The following PRDM2 variants were observed in gnomAD, a reference collection of about 807,000 sequenced individuals.
PRDM2 encodes the protein PR/SET domain 2, also known as PR domain zinc finger protein 2.
PRDM2 carries 30 observed loss-of-function variants against 130.0 expected under a neutral mutation model. The observed-to-expected ratio is 0.23, with a 90% CI of 0.17 to 0.31. The LOEUF is 0.31. Among genes scored for constraint, PRDM2 ranks in the 10% least tolerant of loss-of-function variants. The pLI, the probability that PRDM2 is intolerant of heterozygous loss-of-function variation, is 1.00. For synonymous variants in PRDM2, 871 were observed against 782.4 expected (o/e 1.11, Z -1.89); for missense variants, 2,011 against 2,108.4 (o/e 0.95, Z 0.90).
At chr1:13,804,264 C>T (rs1645054128) in intron 8 of PRDM2, among the ~76,000 whole-genome samples, 1 of 152,168 alleles carries the variant, frequency 6.6e-6, no homozygotes, top group Admixed American at 6.5e-5. Context: ...CACCTGAAGG[C>T]ACCGCAGCGA....
chr1:13,780,225 A>G lies in PRDM2; in HGVS notation c.2430A>G (p.Thr810=). 1 of 1,609,608 alleles carries G rather than the reference A, an allele frequency of 6.2e-7. No individual in the cohort carries two copies. The change falls in exon 8 of 10, where the codon ACA becomes ACG. Residue 810 remains threonine, a synonymous_variant. Transcript: ENST00000311066. ...FDEYKMSKEW[T]ASSAFSSVCN... ...AATATAAAATGTCTAAAGAGTGGAC[A>G]GCTAGTTCTGCTTTTAGCAGTGTGT...
chr1:13,742,406 T>C (rs1643474560), intron 5 of PRDM2, among the ~76,000 whole-genome samples: 1 of 152,110 alleles, frequency 6.6e-6, no homozygotes, highest in Non-Finnish European at 1.5e-5. Context: ...TTTGCTATGT[T>C]ACCCAGGCTG....
chr1:13,710,040 A>G (rs1465490113), intron 1 of PRDM2, among the ~76,000 whole-genome samples: 2 of 152,244 alleles, frequency 1.3e-5, no homozygotes, highest in African/African-American at 4.8e-5. Flanking sequence ...CTTGCCCCAC[A>G]GATGTAAACT....
chr1:13,765,274 C>T (rs1644198027), intron 6 of PRDM2, among the ~76,000 whole-genome samples: 1 of 152,208 alleles, frequency 6.6e-6, no homozygotes, highest in Non-Finnish European at 1.5e-5. Flanking sequence ...TTAAAGCATA[C>T]ATTAAGAATA....
intron 7 of PRDM2, among the ~76,000 whole-genome samples, chr1:13,777,634 CA>C (rs148743428): frequency 0.16 from 1,654 of 10,202 alleles, 12 homozygotes; most frequent in African/African-American, 0.28. Context: ...CTCCTCCTCC[CA>C]CCCCCCCCCC....
In PRDM2 at chr1:13,785,861, CAG is replaced by C. The variant is rs533970837; in HGVS notation, c.5036+3033_5036+3034del. ...TTTTTTTTTTTTTTTTTTAATGAGACAGAGTCTCGCTCCGTTGCCCAGGCTGG... is the reference window on the plus strand; with the variant it reads ...TTTTTTTTTTTTTTTTTTAATGAGACAGTCTCGCTCCGTTGCCCAGGCTGG... On this transcript the variant is annotated intron_variant, in intron 8 of 9. Transcript: ENST00000311066. Among the ~76,000 whole-genome samples the C allele has an allele frequency of 4.5e-4, 61 of 136,792 alleles. No homozygotes were observed. In the South Asian group the frequency reaches 0.013, roughly 30 times the overall value. 89.7% of individuals were successfully genotyped at this position (136,792 alleles called of 152,430 possible). A position where few individuals can be genotyped will look rare whatever the true frequency, so the allele number is the denominator to read the frequency against.
chr1:13,772,367 G>T (rs932860393), intron 6 of PRDM2, among the ~76,000 whole-genome samples: 2 of 152,198 alleles, frequency 1.3e-5, no homozygotes, highest in African/African-American at 2.4e-5. Context: ...GAACGATGTT[G>T]CAATTTAATC....
chr1:13,725,650 A>G (rs909384926), intron 2 of PRDM2, among the ~76,000 whole-genome samples: 8 of 152,386 alleles, frequency 5.2e-5, no homozygotes, highest in African/African-American at 7.2e-5. Flanking sequence ...AATTTAAAAC[A>G]TAAGATTAAA....
chr1:13,800,601 T>C (rs1422235900), intron 8 of PRDM2, among the ~76,000 whole-genome samples: 1 of 152,170 alleles, frequency 6.6e-6, no homozygotes, highest in East Asian at 1.9e-4. Flanking sequence ...GCATATGCGC[T>C]GGGAGCCCAC....
At chr1:13,790,333 C>G (rs933734957) in intron 8 of PRDM2, among the ~76,000 whole-genome samples, 2 of 152,246 alleles carry the variant, frequency 1.3e-5, no homozygotes, top group Middle Eastern at 3.4e-3. Flanking sequence ...TATTGTTTTC[C>G]CGTTCTTTCT....
intron 2 of PRDM2, among the ~76,000 whole-genome samples, chr1:13,721,884 A>G (rs533412101): frequency 1.3e-5 from 2 of 152,236 alleles, no homozygotes; most frequent in African/African-American, 4.8e-5. Flanking sequence ...TCCTCGGCTT[A>G]TTTGTGTTCA....
intron 2 of PRDM2, among the ~76,000 whole-genome samples, chr1:13,724,426 A>T (rs984088211): frequency 8.7e-4 from 133 of 152,032 alleles, no homozygotes; most frequent in African/African-American, 3.0e-3. Flanking sequence ...CTAACTTTGC[A>T]TACTTGACAC....
intron 8 of PRDM2, among the ~76,000 whole-genome samples, chr1:13,789,845 A>G (rs1030708278): frequency 7.2e-5 from 11 of 152,206 alleles, no homozygotes; most frequent in African/African-American, 2.7e-4. Context: ...AGTTACAGAA[A>G]ATGGTTTATC....
At chr1:13,753,010 C>T (rs140097153) in intron 6 of PRDM2, among the ~76,000 whole-genome samples, 3 of 152,182 alleles carry the variant, frequency 2.0e-5, no homozygotes, top group Non-Finnish European at 2.9e-5. Context: ...CTGCTACTTG[C>T]GGAGGAACTA....
At chr1:13,706,099 A>G (rs1642203692) in intron 1 of PRDM2, among the ~76,000 whole-genome samples, 1 of 151,784 alleles carries the variant, frequency 6.6e-6, no homozygotes, top group Non-Finnish European at 1.5e-5. Context: ...AGTCACTCAC[A>G]TTCCAATTTT....
intron 6 of PRDM2, among the ~76,000 whole-genome samples, chr1:13,757,379 A>ACT (rs1374689843): frequency 2.0e-5 from 3 of 152,338 alleles, no homozygotes; most frequent in African/African-American, 7.2e-5. Flanking sequence ...TTGAAACCAA[A>ACT]AGAGCACAGT....
At chr1:13,762,527 G>A (rs1644123947) in intron 6 of PRDM2, among the ~76,000 whole-genome samples, 1 of 152,190 alleles carries the variant, frequency 6.6e-6, no homozygotes, top group African/African-American at 2.4e-5. Context: ...GCCATTGGAC[G>A]CTGGCCTAGG....
chr1:13,749,230 C>A (rs1305266467), intron 5 of PRDM2, 131 bp from the exon 6 acceptor site: 2 of 875,218 alleles, frequency 2.3e-6, no homozygotes, highest in East Asian at 8.7e-5. Flanking sequence ...TCCTGCCGGC[C>A]GGGTGCGCGC....
intron 2 of PRDM2, among the ~76,000 whole-genome samples, chr1:13,730,403 T>TGAC (rs1315833146): frequency 2.6e-5 from 4 of 152,214 alleles, no homozygotes; most frequent in African/African-American, 9.6e-5. Flanking sequence ...TGCTGTTTAG[T>TGAC]GACTTGGTAA....
Sources: gnomAD v4.1 joint callset for allele counts (sites outside exome capture counted in the v4.1 genomes callset) on GRCh38, gnomAD v4.1.1 for gene constraint, MANE v1.5 for transcripts, NCBI Gene and HGNC (gene_info 2026-07-23, HGNC 2026-07-21) for gene names.